CKMT2: variants seen among roughly 807,000 people sequenced by gnomAD.
CKMT2 encodes creatine kinase, mitochondrial 2, also known as creatine kinase S-type, mitochondrial.
CKMT2 carries 43 observed loss-of-function variants against 48.9 expected under a neutral mutation model. That is an observed-to-expected ratio of 0.88 (90% CI 0.69 to 1.13). The LOEUF (loss-of-function observed/expected upper bound fraction) is 1.13, where lower values mean the gene tolerates loss of function less well. CKMT2 is among the 50% of genes most tolerant of loss of function. The pLI is 0.00. For synonymous variants in CKMT2, 206 were observed against 213.0 expected (o/e 0.97, Z 0.29); for missense variants, 472 against 555.4 (o/e 0.85, Z 1.51).
rs1757072220 is a variant in CKMT2 at position 81,257,871 on chromosome 5, G to A, written c.879+15G>A. On this transcript the variant is annotated intron_variant, in intron 7 of 9. Coordinates refer to ENST00000254035, the MANE Select transcript of CKMT2 (RefSeq NM_001099735.2). ...GACTAAAAGAAGTAAGATGTTATCTGAGATTTCTGGATATTTATTAAAATA... is the reference window on the plus strand; with the variant it reads ...GACTAAAAGAAGTAAGATGTTATCTAAGATTTCTGGATATTTATTAAAATA... 3 of 1,601,630 alleles carry A rather than the reference G, an allele frequency of 1.9e-6. No individual in the cohort carries two copies.
intron 2 of CKMT2, among the ~76,000 whole-genome samples, chr5:81,252,476 G>A (rs1756851398): frequency 6.6e-6 from 1 of 152,096 alleles, no homozygotes; most frequent in Non-Finnish European, 1.5e-5. Context: ...CAACAGCCAG[G>A]GACTGTTTTC....
intron 1 of CKMT2, among the ~76,000 whole-genome samples, chr5:81,247,228 G>T (rs573983821): frequency 2.6e-5 from 4 of 152,278 alleles, no homozygotes; most frequent in African/African-American, 9.6e-5. Context: ...CGTTAAAAAA[G>T]CTTTGCAATG....
At chr5:81,234,017 T>C (rs1756179937) in intron 1 of CKMT2, among the ~76,000 whole-genome samples, 1 of 105,780 alleles carries the variant, frequency 9.5e-6, no homozygotes, top group Admixed American at 1.1e-4. Flanking sequence ...CACCGGAGGT[T>C]AATTAAAAAA....
At chr5:81,262,262 C>G (rs1757249266) in intron 8 of CKMT2, among the ~76,000 whole-genome samples, 1 of 152,082 alleles carries the variant, frequency 6.6e-6, no homozygotes, top group Non-Finnish European at 1.5e-5. Context: ...TAGGCAATAC[C>G]ATTCAGGACA....
chr5:81,253,179 T>C (rs1288158299), intron 3 of CKMT2, among the ~76,000 whole-genome samples: 1 of 152,146 alleles, frequency 6.6e-6, no homozygotes, highest in Non-Finnish European at 1.5e-5. Context: ...GTGGATGAGT[T>C]GGTACAGAAA....
chr5:81,237,430 C>T (rs996518443), intron 1 of CKMT2: 4 of 152,134 alleles, frequency 2.6e-5, no homozygotes, highest in Admixed American at 1.3e-4. Flanking sequence ...GGTTCCTACA[C>T]CTAGCGGGGC....
chr5:81,237,335 C>T (rs1229919977), intron 1 of CKMT2, among the ~76,000 whole-genome samples: 2 of 152,062 alleles, frequency 1.3e-5, no homozygotes, highest in East Asian at 1.9e-4. Flanking sequence ...CAGCCTGTCC[C>T]GTCGTCTTCA....
chr5:81,234,021 TAAAA>T (rs536455571), intron 1 of CKMT2, among the ~76,000 whole-genome samples: 4,056 of 91,862 alleles, frequency 0.044, 86 homozygotes, highest in Middle Eastern at 0.077. Flanking sequence ...GGAGGTTAAT[TAAAA>T]AAAAAAAAAA....
At chr5:81,240,596 T>C (rs1241128768) in intron 1 of CKMT2, among the ~76,000 whole-genome samples, 1 of 152,190 alleles carries the variant, frequency 6.6e-6, no homozygotes, top group Non-Finnish European at 1.5e-5. Flanking sequence ...TGCTGTAATA[T>C]TTGTATGGTA....
intron 1 of CKMT2, chr5:81,238,984 TTGAGCAGATGGAGGGATGGA>T (rs1329469127): frequency 1.3e-5 from 2 of 152,280 alleles, no homozygotes; most frequent in South Asian, 2.1e-4. Flanking sequence ...CTAACGTTTG[TTGAGCAGATGGAGGGATGGA>T]TGAGCAGATG....
At chr5:81,242,437 CCT>C (rs531065270) in intron 1 of CKMT2, 53 of 512,550 alleles carry the variant, frequency 1.0e-4, no homozygotes, top group South Asian at 7.4e-4. Context: ...CAGGGTTTCC[CCT>C]CTCTGTCAAT....
intron 1 of CKMT2, among the ~76,000 whole-genome samples, chr5:81,248,287 G>A (rs1475931100): frequency 6.6e-6 from 1 of 152,202 alleles, no homozygotes; most frequent in Non-Finnish European, 1.5e-5. Flanking sequence ...TGTTAGCTTA[G>A]GAAGACCATG....
At chr5:81,249,761 T>C (rs76815702) in intron 1 of CKMT2, among the ~76,000 whole-genome samples, 2,030 of 152,238 alleles carry the variant, frequency 0.013, 35 homozygotes, top group African/African-American at 0.046. Context: ...ACTCTCATTT[T>C]TGAAAAAATG....
chr5:81,263,877 G>C (rs1462903962), intron 9 of CKMT2, among the ~76,000 whole-genome samples: 1 of 152,184 alleles, frequency 6.6e-6, no homozygotes, highest in African/African-American at 2.4e-5. Flanking sequence ...CCTGCCATGA[G>C]AGCTATTCCA....
At chr5:81,265,455 T>A (rs879907355) in intron 9 of CKMT2, among the ~76,000 whole-genome samples, 54 of 152,282 alleles carry the variant, frequency 3.5e-4, no homozygotes, top group Non-Finnish European at 6.6e-4. Flanking sequence ...TTAACTAATT[T>A]CTCTCTTAAT....
At chr5:81,258,678 G>A (rs1480512001) in intron 7 of CKMT2, among the ~76,000 whole-genome samples, 2 of 152,140 alleles carry the variant, frequency 1.3e-5, no homozygotes, top group Admixed American at 6.5e-5. Flanking sequence ...TCTGCCTCCT[G>A]TCAGATCAGC....
At chr5:81,245,511 G>T (rs920013433) in intron 1 of CKMT2, 5 of 152,264 alleles carry the variant, frequency 3.3e-5, no homozygotes, top group African/African-American at 1.2e-4. Context: ...ACTCATTTGG[G>T]TGGAGACGTA....
intron 6 of CKMT2, 49 bp from the exon 7 acceptor site, chr5:81,257,683 GT>G: frequency 6.4e-7 from 1 of 1,557,332 alleles, no homozygotes. Flanking sequence ...ATTTTCATGT[GT>G]TGAAACAAAT....
chr5:81,243,091 T>A (rs1756492363), intron 1 of CKMT2, among the ~76,000 whole-genome samples: 1 of 152,218 alleles, frequency 6.6e-6, no homozygotes, highest in Non-Finnish European at 1.5e-5. Context: ...TTGCCTTGAT[T>A]TCTATGCTTG....
Sources: allele counts gnomAD v4.1 joint callset (sites outside exome capture counted in the v4.1 genomes callset), GRCh38; gene constraint gnomAD v4.1.1; transcripts MANE v1.5; gene names NCBI Gene and HGNC (gene_info 2026-07-23, HGNC 2026-07-21).